The following GRID2 variants were observed in gnomAD, a reference collection of about 807,000 sequenced individuals.
GRID2 encodes glutamate ionotropic receptor delta type subunit 2.
Under a neutral mutation model 114.8 loss-of-function variants are expected in GRID2, and 33 were observed. The observed-to-expected ratio is 0.29, with a 90% confidence interval of 0.22 to 0.38. The LOEUF is 0.38. GRID2 is among the 10% of genes least tolerant of loss of function. The pLI, the probability that GRID2 is intolerant of heterozygous loss-of-function variation, is 1.00. For missense variants in GRID2, 1,184 were observed against 1,257.7 expected, an observed-to-expected ratio of 0.94 and a Z score of 0.89; for synonymous variants, 505 against 449.9, an observed-to-expected ratio of 1.12 and a Z score of -1.55.
chr4:93,270,215 TAC>T (rs34945534), intron 8 of GRID2, among the ~76,000 whole-genome samples: 30,100 of 136,882 alleles, frequency 0.22, 3,419 homozygotes, highest in Admixed American at 0.36. Flanking sequence ...CACACACACA[TAC>T]ACACACACAC....
intron 2 of GRID2, among the ~76,000 whole-genome samples, chr4:92,956,561 T>C (rs1752425771): frequency 6.6e-6 from 1 of 152,204 alleles, no homozygotes; most frequent in Admixed American, 6.6e-5. Context: ...AATTTATCAA[T>C]TCTCCAACAT....
intron 2 of GRID2, among the ~76,000 whole-genome samples, chr4:93,004,828 C>A (rs1374338304): frequency 6.6e-6 from 1 of 151,990 alleles, no homozygotes; most frequent in East Asian, 1.9e-4. Flanking sequence ...AGTTCTCTGT[C>A]CTTATATTAT....
At chr4:92,922,251 T>C (rs548274733) in intron 2 of GRID2, among the ~76,000 whole-genome samples, 1 of 152,286 alleles carries the variant, frequency 6.6e-6, no homozygotes, top group East Asian at 1.9e-4. Flanking sequence ...CGTCACCCCT[T>C]TCTTTGACTA....
At chr4:92,537,784 GGTGTGTGT>G (rs70942907) in intron 1 of GRID2, among the ~76,000 whole-genome samples, 4,269 of 125,940 alleles carry the variant, frequency 0.034, 66 homozygotes, top group Middle Eastern at 0.055. Flanking sequence ...AAAAACTTGC[GGTGTGTGT>G]GTGTGTGTGT....
At chr4:93,163,584 A>G (rs1391350178) in intron 4 of GRID2, among the ~76,000 whole-genome samples, 3 of 150,364 alleles carry the variant, frequency 2.0e-5, no homozygotes, top group African/African-American at 7.3e-5. Context: ...TTTAATAACA[A>G]GAAAAAAATT....
At chr4:92,652,108 G>A (rs1731962918) in intron 2 of GRID2, among the ~76,000 whole-genome samples, 1 of 151,984 alleles carries the variant, frequency 6.6e-6, no homozygotes, top group African/African-American at 2.4e-5. Context: ...ACAACTTTAT[G>A]GTGTGGTGAG....
intron 2 of GRID2, among the ~76,000 whole-genome samples, chr4:92,687,407 G>T (rs541383248): frequency 6.6e-6 from 1 of 151,978 alleles, no homozygotes; most frequent in Non-Finnish European, 1.5e-5. Context: ...AGTAACTATT[G>T]CAATAAAGCA....
chr4:92,308,501 G>C (rs953826222), intron 1 of GRID2, among the ~76,000 whole-genome samples: 2 of 152,028 alleles, frequency 1.3e-5, no homozygotes, highest in Non-Finnish European at 2.9e-5. Context: ...TTTATCCTCT[G>C]AAATCATAAT....
At chr4:93,728,320 T>A (rs556132212) in intron 14 of GRID2, among the ~76,000 whole-genome samples, 3 of 152,336 alleles carry the variant, frequency 2.0e-5, no homozygotes, top group East Asian at 3.9e-4. Flanking sequence ...TAATCCTGAG[T>A]TCTAGTTTGA....
intron 2 of GRID2, among the ~76,000 whole-genome samples, chr4:92,635,418 C>T (rs932191886): frequency 2.6e-5 from 4 of 151,992 alleles, no homozygotes; most frequent in African/African-American, 9.7e-5. Context: ...GTTTCTTAAT[C>T]AAATTTAAGT....
At chr4:93,361,672 G>A (rs1345051481) in intron 8 of GRID2, among the ~76,000 whole-genome samples, 1 of 151,890 alleles carries the variant, frequency 6.6e-6, no homozygotes, top group Non-Finnish European at 1.5e-5. Context: ...CTAGTTCAGT[G>A]ATTAATTTAT....
chr4:92,377,321 G>C (rs552684811), intron 1 of GRID2, among the ~76,000 whole-genome samples: 2 of 152,054 alleles, frequency 1.3e-5, no homozygotes, highest in Non-Finnish European at 2.9e-5. Flanking sequence ...AACATAACAA[G>C]AGTCACCTTT....
chr4:92,827,061 A>C (rs938294617), intron 2 of GRID2, among the ~76,000 whole-genome samples: 1 of 152,068 alleles, frequency 6.6e-6, no homozygotes, highest in Non-Finnish European at 1.5e-5. Context: ...CTCCAGTTAC[A>C]TTCCTGTATA....
At chr4:93,691,763 A>G (rs1026362760) in intron 14 of GRID2, among the ~76,000 whole-genome samples, 5 of 152,062 alleles carry the variant, frequency 3.3e-5, no homozygotes, top group African/African-American at 1.2e-4. Flanking sequence ...CTATGCTCAC[A>G]TACTAGAGAC....
At chr4:92,922,967 C>A (rs372830452) in intron 2 of GRID2, among the ~76,000 whole-genome samples, 24 of 152,282 alleles carry the variant, frequency 1.6e-4, no homozygotes, top group African/African-American at 5.5e-4. Context: ...TGTGCACTTG[C>A]TATGCTGTTG....
intron 8 of GRID2, among the ~76,000 whole-genome samples, chr4:93,353,474 G>C (rs1761003237): frequency 6.6e-6 from 1 of 151,988 alleles, no homozygotes; most frequent in South Asian, 2.1e-4. Flanking sequence ...CAAAAGAAAA[G>C]AGAAACTGTC....
chr4:93,772,537 T>A lies in GRID2; in HGVS notation c.*39T>A. 7.0e-7 allele frequency: 1 copy of A among 1,423,096 alleles called. No individual in the cohort carries two copies. Among genetic ancestry groups the A allele is most frequent in the South Asian group, 1.4e-5 (1 of 73,382 alleles). 88.2% of individuals were successfully genotyped at this position (1,423,096 alleles called of 1,614,324 possible). The stretch of plus-strand genomic sequence containing the variant: ...CTCTTCACTGTTTCTTTTTTAGGAC[T>A]CCCTTTGCAAGGAGCAACTGTAATA... On this transcript the variant is annotated 3_prime_UTR_variant, in exon 16 of 16. Coordinates refer to ENST00000282020, the MANE Select transcript of GRID2 (RefSeq NM_001510.4).
chr4:93,208,462 G>T (rs1018909242), intron 5 of GRID2, among the ~76,000 whole-genome samples: 13 of 151,854 alleles, frequency 8.6e-5, no homozygotes, highest in Admixed American at 8.5e-4. Context: ...CACAAGAATG[G>T]TACTGCGATA....
At chr4:93,679,909 G>A (rs1421419338) in intron 14 of GRID2, among the ~76,000 whole-genome samples, 1 of 150,960 alleles carries the variant, frequency 6.6e-6, no homozygotes, top group Non-Finnish European at 1.5e-5. Context: ...CCAGAAGAAG[G>A]CAAGAAATAA....
Sources: allele counts gnomAD v4.1 joint callset (sites outside exome capture counted in the v4.1 genomes callset), GRCh38; gene constraint gnomAD v4.1.1; transcripts MANE v1.5; gene names NCBI Gene and HGNC (gene_info 2026-07-23, HGNC 2026-07-21).